PPP2R2A: variants seen among roughly 807,000 people sequenced by gnomAD.
PPP2R2A encodes protein phosphatase 2 regulatory subunit Balpha.
Under a neutral mutation model 53.2 loss-of-function variants are expected in PPP2R2A, and 9 were observed. The ratio of observed to expected loss-of-function variants is 0.17; its 90% CI spans 0.10 to 0.30. PPP2R2A has a LOEUF of 0.30. PPP2R2A is among the 10% of genes least tolerant of loss of function. The probability of loss-of-function intolerance (pLI) is 1.00; values close to 1 mark genes in which losing one functional copy is unlikely to be tolerated. For missense variants in PPP2R2A, 235 were observed against 534.6 expected (o/e 0.44, Z 5.53); for synonymous variants, 169 against 174.2 (o/e 0.97, Z 0.23).
chr8:26,350,393 T>G (rs1028894975), intron 3 of PPP2R2A, among the ~76,000 whole-genome samples: 1 of 152,002 alleles, frequency 6.6e-6, no homozygotes, highest in African/African-American at 2.4e-5. Flanking sequence ...CACATTGAGA[T>G]TGAGTAGTTG....
chr8:26,345,906 T>G (rs1804189429), intron 3 of PPP2R2A, among the ~76,000 whole-genome samples: 1 of 152,198 alleles, frequency 6.6e-6, no homozygotes, highest in South Asian at 2.1e-4. Context: ...CATCAGCTCT[T>G]TTTCTCACGA....
chr8:26,345,586 G>A (rs1293329808), intron 3 of PPP2R2A, among the ~76,000 whole-genome samples: 1 of 152,008 alleles, frequency 6.6e-6, no homozygotes, highest in African/African-American at 2.4e-5. Flanking sequence ...CACCATCTCT[G>A]TAATGACATG....
At chr8:26,293,013 A>T in intron 1 of PPP2R2A, 1 of 435,800 alleles carries the variant, frequency 2.3e-6, no homozygotes, top group Non-Finnish European at 4.0e-6. Context: ...ACGAGATGAC[A>T]TTAGCAAAAT....
rs187512589 is a variant in PPP2R2A at position 26,354,931 on chromosome 8, G to A, written c.346+298G>A. Reference sequence around the variant, plus strand: ...TCATTTCTCAGTCTCGTAATCTTGGGCAGGTTACTAACACTGAATTGAATT... The same window carrying A: ...TCATTTCTCAGTCTCGTAATCTTGGACAGGTTACTAACACTGAATTGAATT... On this transcript the variant is annotated intron_variant, in intron 4 of 9. Coordinates refer to ENST00000380737, the MANE Select transcript of PPP2R2A (RefSeq NM_002717.4). The surrounding 1 kb of genome is among the most constrained non-coding windows in gnomAD (Gnocchi z 4.6). 3.3e-3 allele frequency among the ~76,000 whole-genome samples: 504 copies of A among 152,274 alleles called. 2 individuals are homozygous for A. The highest frequency in any genetic ancestry group is 5.5e-3 in the Non-Finnish European group (373 of 68,020).
At chr8:26,323,369 T>TG (rs1280836497) in intron 2 of PPP2R2A, among the ~76,000 whole-genome samples, 3 of 152,198 alleles carry the variant, frequency 2.0e-5, no homozygotes, top group African/African-American at 7.2e-5. Context: ...ACCAGCTGGG[T>TG]GTCCCCCCAT....
intron 2 of PPP2R2A, among the ~76,000 whole-genome samples, chr8:26,337,198 A>G (rs887270303): frequency 2.0e-5 from 3 of 152,176 alleles, no homozygotes; most frequent in Non-Finnish European, 2.9e-5. Flanking sequence ...AAAGATAGGT[A>G]TTTTGGTACA....
chr8:26,361,056 A>G lies in PPP2R2A; in HGVS notation c.542A>G (p.Asn181Ser), dbSNP rs1805057718. 6.2e-7 allele frequency: 1 copy of G among 1,608,974 alleles called. No homozygotes were observed. Among genetic ancestry groups the G allele is most frequent in the Admixed American group, 1.7e-5 (1 of 58,052 alleles). Reference protein sequence around the residue: ...IFANAHTYHINSISINSDYET... With the variant: ...IFANAHTYHISSISINSDYET... ...GCCAATGCTCATACATATCACATCA[A>G]CTCAATTTCTATTAATAGTGATTAT... Residue 181 changes from asparagine to serine, a missense_variant, in exon 6 of 10, where the codon AAC (asparagine) becomes AGC (serine). By Grantham distance (46) the Asn-to-Ser change is conservative. This residue lies in a region of PPP2R2A where 181 missense variants were observed against 409.9 expected (regional missense o/e 0.44). Transcript: ENST00000380737.
chr8:26,353,268 T>C (rs1386898548), intron 3 of PPP2R2A, among the ~76,000 whole-genome samples: 1 of 152,236 alleles, frequency 6.6e-6, no homozygotes, highest in Non-Finnish European at 1.5e-5. Flanking sequence ...GTGGGACATG[T>C]ATTCTTAACA....
chr8:26,360,022 A>ACTCGCCT lies in PPP2R2A; in HGVS notation c.347-147_347-146insCTCGCCT. 1 of 502,306 alleles carries ACTCGCCT rather than the reference A, an allele frequency of 2.0e-6. No homozygotes were observed. 31.1% of individuals were successfully genotyped at this position (502,306 alleles called of 1,614,324 possible). A position where few individuals can be genotyped will look rare whatever the true frequency, so the allele number is the denominator to read the frequency against. ...ATGTGTGTATGTTATTCAGCTGATA[A>ACTCGCCT]TAGGAAATTTTTTAGTAAGTTCAGA... is the stretch of plus-strand genomic sequence containing the variant. On this transcript the variant is annotated intron_variant, in intron 4 of 9. Coordinates refer to ENST00000380737, the MANE Select transcript of PPP2R2A (RefSeq NM_002717.4). The surrounding 1 kb of genome is among the most constrained non-coding windows in gnomAD (Gnocchi z 4.5).
rs148123944 is a variant in PPP2R2A at position 26,335,908 on chromosome 8, C to T, written c.83-2982C>T. The stretch of plus-strand genomic sequence containing the variant: ...AAAATGTCATCATAAAATAATTGTT[C>T]CTGCCATAAGAAGTGATACGTTATT... On this transcript the variant is annotated intron_variant, in intron 2 of 9. Coordinates refer to ENST00000380737, the MANE Select transcript of PPP2R2A (RefSeq NM_002717.4). 4.5e-3 allele frequency among the ~76,000 whole-genome samples: 692 copies of T among 152,324 alleles called. 3 individuals are homozygous for T. The highest frequency in any genetic ancestry group is 6.0e-3 in the Non-Finnish European group (411 of 68,038).
At chr8:26,316,838 C>T (rs1040886733) in intron 2 of PPP2R2A, among the ~76,000 whole-genome samples, 1 of 152,204 alleles carries the variant, frequency 6.6e-6, no homozygotes, top group African/African-American at 2.4e-5. Context: ...GGATCACCTG[C>T]CAAAGACCTC....
At chr8:26,319,675 A>G (rs2117262025) in intron 2 of PPP2R2A, among the ~76,000 whole-genome samples, 1 of 152,202 alleles carries the variant, frequency 6.6e-6, no homozygotes, top group Middle Eastern at 3.4e-3. Flanking sequence ...CCATATGTGC[A>G]GGGGTTTACT....
rs975627295 is a variant in PPP2R2A at position 26,372,666 on chromosome 8, T to C, written c.*2253T>C. 1.3e-5 allele frequency: 2 copies of C among 152,182 alleles called. No individual in the cohort carries two copies. Among genetic ancestry groups the C allele is most frequent in the African/African-American group, 2.4e-5 (1 of 41,434 alleles). 9.4% of individuals were successfully genotyped at this position (152,182 alleles called of 1,614,324 possible). On this transcript the variant is annotated 3_prime_UTR_variant, in exon 10 of 10. Coordinates refer to ENST00000380737, the MANE Select transcript of PPP2R2A (RefSeq NM_002717.4). Reference sequence around the variant, plus strand: ...GGTTAATCTTTTTATTAATAAAAATTATACTTAGAATAAACTTAGTCTTGT... The same window carrying C: ...GGTTAATCTTTTTATTAATAAAAATCATACTTAGAATAAACTTAGTCTTGT...
In PPP2R2A at chr8:26,363,900, T is replaced by A; in HGVS notation, c.972+10T>A. On this transcript the variant is annotated intron_variant, in intron 8 of 9. Coordinates refer to ENST00000380737, the MANE Select transcript of PPP2R2A (RefSeq NM_002717.4). ...TGTGGAAACATACCAGGTATTTGAGTTTTTTCTTTCAATGAGCATATACCC... is the reference window on the plus strand; with the variant it reads ...TGTGGAAACATACCAGGTATTTGAGATTTTTCTTTCAATGAGCATATACCC... The A allele has an allele frequency of 6.4e-7, 1 of 1,572,980 alleles. No individual in the cohort carries two copies. The highest frequency in any genetic ancestry group is 1.9e-4 in the Middle Eastern group (1 of 5,338).
chr8:26,344,069 T>C (rs1319538852), intron 3 of PPP2R2A, among the ~76,000 whole-genome samples: 1 of 152,134 alleles, frequency 6.6e-6, no homozygotes, highest in African/African-American at 2.4e-5. Context: ...ATACAGTTAA[T>C]AAGGAAGTGA....
intron 4 of PPP2R2A, among the ~76,000 whole-genome samples, chr8:26,356,172 A>G: frequency 6.6e-6 from 1 of 152,236 alleles, no homozygotes; most frequent in East Asian, 1.9e-4. Flanking sequence ...CACCTAGACC[A>G]TAAACATTTG....
Position 26,360,841 on chromosome 8 carries a change from TTAAAACTAAATC to T in PPP2R2A, c.460-130_460-119del, listed in dbSNP as rs1354618446. On this transcript the variant is annotated intron_variant, in intron 5 of 9. Coordinates refer to ENST00000380737, the MANE Select transcript of PPP2R2A (RefSeq NM_002717.4). This position sits in a 1 kb window ranked among gnomAD's most constrained non-coding sequence, Gnocchi z 4.5. ...CGAAAGGATCAACATCAGTTGCTTTTTAAAACTAAATCTATGTAATATTGTTCTATTTTATGT... is the reference window on the plus strand; with the variant it reads ...CGAAAGGATCAACATCAGTTGCTTTTTATGTAATATTGTTCTATTTTATGT... The T allele has an allele frequency of 6.9e-5, 58 of 845,356 alleles. No homozygotes were observed. In the Admixed American group the frequency reaches 2.1e-3, roughly 31 times the overall value. The allele number at this position is 845,356 out of a possible 1,614,324, so 52.4% of individuals were successfully genotyped here.
intron 2 of PPP2R2A, among the ~76,000 whole-genome samples, chr8:26,297,131 T>A (rs928231713): frequency 1.2e-4 from 19 of 152,140 alleles, no homozygotes; most frequent in African/African-American, 4.3e-4. Context: ...TGTGTGTGTG[T>A]GAGACAGAGT....
chr8:26,318,741 C>G (rs1175653453), intron 2 of PPP2R2A, among the ~76,000 whole-genome samples: 3 of 152,058 alleles, frequency 2.0e-5, no homozygotes, highest in African/African-American at 7.2e-5. Flanking sequence ...TATTTTTTGT[C>G]AGAATATAAA....
Sources: gnomAD v4.1 joint callset for allele counts (sites outside exome capture counted in the v4.1 genomes callset) on GRCh38, gnomAD v4.1.1 for gene constraint, gnomAD v4.1.1 regional missense constraint, Gnocchi (gnomAD v3.1) non-coding constraint, MANE v1.5 for transcripts, NCBI Gene and HGNC (gene_info 2026-07-23, HGNC 2026-07-21) for gene names.